Variants in DTNBP1 observed in about 807,000 individuals in gnomAD.
DTNBP1 encodes the protein dysbindin.
DTNBP1 carries 35 observed loss-of-function variants against 42.8 expected under a neutral mutation model. That is an observed-to-expected ratio of 0.82 (90% CI 0.63 to 1.09). DTNBP1 has a LOEUF of 1.09. Ranked by LOEUF, DTNBP1 falls within the 50% of genes least tolerant of loss-of-function variation. The probability of loss-of-function intolerance (pLI) is 0.00; values close to 1 mark genes in which losing one functional copy is unlikely to be tolerated. For synonymous variants in DTNBP1, 171 were observed against 162.2 expected (o/e 1.05, Z -0.41); for missense variants, 457 against 424.2 (o/e 1.08, Z -0.68).
chr6:15,644,453 C>T (rs1380511604), intron 3 of DTNBP1, among the ~76,000 whole-genome samples: 6 of 152,166 alleles, frequency 3.9e-5, no homozygotes, highest in Non-Finnish European at 7.4e-5. Flanking sequence ...CTACAGGATA[C>T]TCCACCTAAC....
intron 7 of DTNBP1, among the ~76,000 whole-genome samples, chr6:15,566,065 A>T (rs1170163418): frequency 6.6e-6 from 1 of 152,350 alleles, no homozygotes; most frequent in Non-Finnish European, 1.5e-5. Context: ...CTGTAATCCC[A>T]GCACTTTGGG....
chr6:15,592,985 C>T, intron 7 of DTNBP1, 74 bp downstream of exon 7: 1 of 1,362,774 alleles, frequency 7.3e-7, no homozygotes, highest in Non-Finnish European at 1.0e-6. Flanking sequence ...TGAGTTTGTT[C>T]ATCATTGTCG....
intron 7 of DTNBP1, among the ~76,000 whole-genome samples, chr6:15,550,063 C>T (rs143316741): frequency 6.6e-5 from 10 of 152,314 alleles, no homozygotes; most frequent in South Asian, 2.1e-4. Context: ...CACCGTCCAT[C>T]AGTGTAGCTC....
intron 6 of DTNBP1, among the ~76,000 whole-genome samples, chr6:15,604,842 C>A (rs904039224): frequency 2.0e-5 from 3 of 152,068 alleles, no homozygotes; most frequent in Non-Finnish European, 4.4e-5. Flanking sequence ...AGAATCAGGA[C>A]CCTTAAAATA....
At chr6:15,578,347 T>G (rs1042027406) in intron 7 of DTNBP1, among the ~76,000 whole-genome samples, 1 of 152,308 alleles carries the variant, frequency 6.6e-6, no homozygotes, top group East Asian at 1.9e-4. Flanking sequence ...ATTCTCCTAG[T>G]GCGCAGAGGG....
intron 7 of DTNBP1, chr6:15,586,146 G>A (rs1776071002): frequency 1.8e-6 from 1 of 568,712 alleles, no homozygotes; most frequent in Admixed American, 6.0e-5. Flanking sequence ...GCAAAAGAGA[G>A]ATGAAATCTT....
At chr6:15,628,117 C>T (rs1035603284) in intron 4 of DTNBP1, among the ~76,000 whole-genome samples, 1 of 152,140 alleles carries the variant, frequency 6.6e-6, no homozygotes, top group African/African-American at 2.4e-5. Flanking sequence ...ATAATTCTAA[C>T]TTCTTTTGCT....
intron 7 of DTNBP1, among the ~76,000 whole-genome samples, chr6:15,561,738 G>A (rs911691755): frequency 2.6e-5 from 4 of 152,220 alleles, no homozygotes; most frequent in Non-Finnish European, 5.9e-5. Flanking sequence ...CAGGAGGTTA[G>A]GCATTCTTAG....
chr6:15,656,842 C>T (rs779014254), intron 1 of DTNBP1, among the ~76,000 whole-genome samples: 13 of 152,136 alleles, frequency 8.5e-5, no homozygotes, highest in East Asian at 3.8e-4. Flanking sequence ...CAACAGCGTG[C>T]GGAACCTGCA....
chr6:15,654,000 AC>A (rs754702327), intron 1 of DTNBP1, among the ~76,000 whole-genome samples: 1 of 152,200 alleles, frequency 6.6e-6, no homozygotes, highest in Non-Finnish European at 1.5e-5. Flanking sequence ...CTGATTAAGC[AC>A]CATATGGGGA....
At chr6:15,646,329 T>G (rs1371405493) in intron 3 of DTNBP1, among the ~76,000 whole-genome samples, 1 of 151,208 alleles carries the variant, frequency 6.6e-6, no homozygotes, top group Non-Finnish European at 1.5e-5. Context: ...GTGAAAGATC[T>G]CTACAAAGAG....
chr6:15,524,955 G>A (rs1052016610), intron 8 of DTNBP1, among the ~76,000 whole-genome samples: 5 of 152,218 alleles, frequency 3.3e-5, no homozygotes, highest in African/African-American at 1.2e-4. Flanking sequence ...CGGCTGTTTT[G>A]AGTAGGACGC....
At chr6:15,533,423 G>A (rs1773010124) in intron 7 of DTNBP1, 28 bp from the exon 8 acceptor site, 6 of 1,614,130 alleles carry the variant, frequency 3.7e-6, no homozygotes, top group Middle Eastern at 1.6e-4. Context: ...CTGGGGTTAG[G>A]GTTTGAAAAG....
chr6:15,558,898 C>T lies in DTNBP1; in HGVS notation c.512-25503G>A, dbSNP rs189768681. Among the ~76,000 whole-genome samples, 428 of 152,222 alleles carry T rather than the reference C, an allele frequency of 2.8e-3. 10 individuals are homozygous for T. Among genetic ancestry groups the T allele is most frequent in the Admixed American group, 0.026 (392 of 15,290 alleles). ...TTGCAGTACATTCTTAAATAAATGT[C>T]GTTATGTTATAGGTCATTTTAATGG... On this transcript the variant is annotated intron_variant, in intron 7 of 9. Coordinates refer to ENST00000344537, the MANE Select transcript of DTNBP1 (RefSeq NM_032122.5).
intron 7 of DTNBP1, among the ~76,000 whole-genome samples, chr6:15,564,489 C>T (rs1041352996): frequency 6.6e-6 from 1 of 152,186 alleles, no homozygotes. Context: ...CTCACTGCAG[C>T]CTCTGCCTCC....
intron 8 of DTNBP1, among the ~76,000 whole-genome samples, chr6:15,531,638 A>C (rs1772833196): frequency 6.6e-6 from 1 of 151,892 alleles, no homozygotes; most frequent in Admixed American, 6.6e-5. Flanking sequence ...CTTTTTATTT[A>C]TGTATTTATT....
chr6:15,527,421 A>T (rs899334453), intron 8 of DTNBP1, among the ~76,000 whole-genome samples: 4 of 152,198 alleles, frequency 2.6e-5, no homozygotes, highest in African/African-American at 9.7e-5. Flanking sequence ...AATTATTTTT[A>T]AAAAACATTT....
intron 6 of DTNBP1, among the ~76,000 whole-genome samples, chr6:15,597,144 C>G (rs1025450087): frequency 6.6e-6 from 1 of 152,098 alleles, no homozygotes; most frequent in African/African-American, 2.4e-5. Flanking sequence ...TAGACATGTT[C>G]CATAACCTCA....
At chr6:15,552,368 G>C (rs1031728866) in intron 7 of DTNBP1, among the ~76,000 whole-genome samples, 1 of 152,240 alleles carries the variant, frequency 6.6e-6, no homozygotes, top group Non-Finnish European at 1.5e-5. Flanking sequence ...AAAGTAGGCA[G>C]AGAAGCTGAA....
Sources: allele counts gnomAD v4.1 joint callset (sites outside exome capture counted in the v4.1 genomes callset), GRCh38; gene constraint gnomAD v4.1.1; transcripts MANE v1.5; gene names NCBI Gene and HGNC (gene_info 2026-07-23, HGNC 2026-07-21).